Variants in ALG12 observed in about 807,000 individuals in gnomAD.
ALG12 encodes the protein ALG12 alpha-1,6-mannosyltransferase, also known as dol-P-Man:Man(7)GlcNAc(2)-PP-Dol alpha-1,6-mannosyltransferase.
A neutral mutation model predicts 46.0 loss-of-function variants in ALG12; 36 were observed. The observed-to-expected ratio is 0.78, with a 90% CI of 0.60 to 1.03. ALG12 has a LOEUF of 1.03. Among genes scored for constraint, ALG12 ranks in the 50% least tolerant of loss-of-function variants. The probability of loss-of-function intolerance (pLI) is 0.00; values close to 1 mark genes in which losing one functional copy is unlikely to be tolerated. For synonymous variants in ALG12, 326 were observed against 291.6 expected (o/e 1.12, Z -1.20); for missense variants, 599 against 633.5 (o/e 0.95, Z 0.58).
chr22:49,863,272 AC>A, the ALG12 span, among the ~76,000 whole-genome samples: 1 of 151,542 alleles, frequency 6.6e-6, no homozygotes, highest in South Asian at 2.1e-4. Context: ...TGATTTTCCC[AC>A]CTCAGCCTCC....
downstream of ALG12, among the ~76,000 whole-genome samples, chr22:49,896,031 C>T (rs770653723): frequency 2.6e-5 from 4 of 152,204 alleles, no homozygotes; most frequent in Non-Finnish European, 5.9e-5. Context: ...GCTGGGTCTC[C>T]GCCCACCATC....
rs1221474303 is a variant in ALG12 at position 49,901,666 on chromosome 22, T to C, written c.*2172A>G. 1 of 145,310 alleles carries C rather than the reference T, an allele frequency of 6.9e-6. No individual in the cohort carries two copies. The highest frequency in any genetic ancestry group is 2.1e-4 in the East Asian group (1 of 4,828). The allele number at this position is 145,310 out of a possible 1,614,324, so 9.0% of individuals were successfully genotyped here. Reference sequence around the variant, plus strand: ...TGCACGTGTGATCATGCATGTATGGTGTGTATGCATGGTGTGCGCATCTGT... The same window carrying C: ...TGCACGTGTGATCATGCATGTATGGCGTGTATGCATGGTGTGCGCATCTGT... On this transcript the variant is annotated 3_prime_UTR_variant, in exon 10 of 10. Transcript: ENST00000330817.
At chr22:49,884,190 G>A in the ALG12 span, 1 of 1,609,088 alleles carries the variant, frequency 6.2e-7, no homozygotes, top group Non-Finnish European at 8.5e-7. Flanking sequence ...ATGGCAGTGT[G>A]TCTGCCGTGT....
the ALG12 span, among the ~76,000 whole-genome samples, chr22:49,870,629 A>G: frequency 6.6e-6 from 1 of 151,892 alleles, no homozygotes; most frequent in Non-Finnish European, 1.5e-5. Context: ...TCTCCTTTCG[A>G]GAAGTATCTG....
At chr22:49,916,739 G>A (rs1448359080) in intron 1 of ALG12, among the ~76,000 whole-genome samples, 1 of 152,180 alleles carries the variant, frequency 6.6e-6, no homozygotes, top group Non-Finnish European at 1.5e-5. Flanking sequence ...ACTGCTTGAG[G>A]CCCGGAGTTC....
chr22:49,888,172 T>G, the ALG12 span: 1 of 167,212 alleles, frequency 6.0e-6, no homozygotes, highest in South Asian at 2.1e-4. Flanking sequence ...CACTGGGATA[T>G]TTTCAAATCC....
the ALG12 span, among the ~76,000 whole-genome samples, chr22:49,891,811 T>A: frequency 1.3e-5 from 2 of 152,180 alleles, no homozygotes; most frequent in African/African-American, 4.8e-5. Context: ...TGTCATAATA[T>A]GCATTTTCCA....
the ALG12 span, among the ~76,000 whole-genome samples, chr22:49,894,669 C>T: frequency 6.6e-6 from 1 of 152,252 alleles, no homozygotes; most frequent in East Asian, 1.9e-4. Flanking sequence ...GTGACTGGAA[C>T]AGAAAGAACT....
chr22:49,886,556 A>C, the ALG12 span: 1 of 1,561,266 alleles, frequency 6.4e-7, no homozygotes. The surrounding 1 kb of genome is among the most constrained non-coding windows in gnomAD (Gnocchi z 7.7). Context: ...CACATCCTCA[A>C]CAGGAAGGTG....
downstream of ALG12, among the ~76,000 whole-genome samples, chr22:49,897,669 T>TC (rs1442383424): frequency 7.6e-6 from 1 of 132,166 alleles, no homozygotes; most frequent in Non-Finnish European, 1.5e-5. Context: ...TTTTCTTTTT[T>TC]TTTTTTTTTT....
At position 49,903,894 on chromosome 22, in the gene ALG12, T is replaced by C. The variant is rs2060527901; in HGVS notation, c.1411A>G (p.Asn471Asp). The C allele has an allele frequency of 2.5e-6, 4 of 1,614,076 alleles. No individual in the cohort carries two copies. Among genetic ancestry groups the C allele is most frequent in the Middle Eastern group, 1.6e-4 (1 of 6,084 alleles). ...ACCAGCTTTGTCTGCAGGTGGACGT[T>C]GAAGGGGGGCAGTTGGGTCAGGTTC... is the stretch of plus-strand genomic sequence containing the variant. ...SLNLTQLPPF[N>D]VHLQTKLVLL... Residue 471 changes from asparagine (N) to aspartate (D), a missense_variant, in exon 10 of 10, where the codon AAC becomes GAC. By Grantham distance (23) the Asn-to-Asp change is conservative. Transcript: ENST00000330817.
intron 6 of ALG12, among the ~76,000 whole-genome samples, chr22:49,908,817 T>A (rs563920741): frequency 2.7e-4 from 41 of 151,528 alleles, no homozygotes; most frequent in African/African-American, 1.0e-3. Context: ...CCAGGTGTGG[T>A]GGCGTGCGCC....
the ALG12 span, among the ~76,000 whole-genome samples, chr22:49,892,605 T>C: frequency 6.6e-6 from 1 of 152,304 alleles, no homozygotes; most frequent in African/African-American, 2.4e-5. Context: ...AGACAAAACT[T>C]GGGACTTCAG....
At chr22:49,912,632 G>A (rs1304073269) in intron 3 of ALG12, among the ~76,000 whole-genome samples, 5 of 152,194 alleles carry the variant, frequency 3.3e-5, no homozygotes, top group Admixed American at 3.3e-4. Context: ...GGACTGACTC[G>A]CTGGAAGCAT....
chr22:49,882,569 G>C, the ALG12 span, among the ~76,000 whole-genome samples: 114 of 152,252 alleles, frequency 7.5e-4, no homozygotes, highest in South Asian at 0.023. Flanking sequence ...ATCGTCCTCC[G>C]AGCTTCGGCT....
At position 49,903,318 on chromosome 22, in the gene ALG12, C is replaced by T; in HGVS notation, c.*520G>A. The T allele has an allele frequency of 2.2e-6, 1 of 457,016 alleles. No homozygotes were observed. The allele number at this position is 457,016 out of a possible 1,614,324, so 28.3% of individuals were successfully genotyped here. A position where few individuals can be genotyped will look rare whatever the true frequency, so the allele number is the denominator to read the frequency against. On this transcript the variant is annotated 3_prime_UTR_variant, in exon 10 of 10. Coordinates refer to ENST00000330817, the MANE Select transcript of ALG12 (RefSeq NM_024105.4). ...TTTATCTGTGATGGAGATGGGATGC[C>T]TGTGAATACAAAAGTTGCAGTGGTG...
Position 49,904,010 on chromosome 22 carries a change from A to T in ALG12, c.1295T>A (p.Ile432Asn), listed in dbSNP as rs757095635. The change falls in exon 10 of 10, where the codon ATC becomes AAC. Residue 432 changes from isoleucine to asparagine, a missense_variant. Ile to Asn is a moderately radical substitution (Grantham distance 149). Transcript: ENST00000330817. ...PGTGMLAYTH[I>N]LMEAAPGLLA... ...GAGCCCAGGGGCCGCCTCCATGAGG[A>T]TGTGTGTGTATGCCAGCATGCCTGT... 9.9e-6 allele frequency: 16 copies of T among 1,614,058 alleles called. No homozygotes were observed. Among genetic ancestry groups the T allele is most frequent in the Non-Finnish European group, 1.4e-5 (16 of 1,179,962 alleles).
At chr22:49,869,528 G>T in the ALG12 span, among the ~76,000 whole-genome samples, 1 of 152,178 alleles carries the variant, frequency 6.6e-6, no homozygotes, top group Non-Finnish European at 1.5e-5. Flanking sequence ...GGGAATATTT[G>T]TACTGCTTAC....
the ALG12 span, among the ~76,000 whole-genome samples, chr22:49,865,718 G>A: frequency 6.6e-6 from 1 of 152,082 alleles, no homozygotes; most frequent in South Asian, 2.1e-4. Context: ...TTGTGTTTTG[G>A]TTGAGGTTTG....
Sources: allele counts gnomAD v4.1 joint callset (sites outside exome capture counted in the v4.1 genomes callset), GRCh38; gene constraint gnomAD v4.1.1; non-coding constraint Gnocchi (gnomAD v3.1); transcripts MANE v1.5; gene names NCBI Gene and HGNC (gene_info 2026-07-23, HGNC 2026-07-21).